SUDS3: variants seen among roughly 807,000 people sequenced by gnomAD.
SUDS3 encodes SIN3A corepressor complex component SDS3, also known as sin3 histone deacetylase corepressor complex component SDS3.
A neutral mutation model predicts 53.5 loss-of-function variants in SUDS3; 23 were observed. That is an observed-to-expected ratio of 0.43 (90% CI 0.31 to 0.61). SUDS3 has a LOEUF of 0.61. Among genes scored for constraint, SUDS3 ranks in the 20% least tolerant of loss-of-function variants. The pLI, the probability that SUDS3 is intolerant of heterozygous loss-of-function variation, is 0.10. For missense variants in SUDS3, 291 were observed against 405.9 expected, an observed-to-expected ratio of 0.72 and a Z score of 2.43; for synonymous variants, 150 against 148.5, an observed-to-expected ratio of 1.01 and a Z score of -0.08.
At chr12:118,381,276 C>T (rs1372050978) in intron 2 of SUDS3, among the ~76,000 whole-genome samples, 7 of 151,926 alleles carry the variant, frequency 4.6e-5, no homozygotes, top group Admixed American at 1.3e-4. Context: ...GCAATCTTGG[C>T]TCACCACAAC....
At chr12:118,388,710 G>A (rs1199062982) in intron 4 of SUDS3, among the ~76,000 whole-genome samples, 1 of 152,208 alleles carries the variant, frequency 6.6e-6, no homozygotes, top group Non-Finnish European at 1.5e-5. Context: ...TGAATAGGAG[G>A]TCAGAGGGCA....
chr12:118,407,510 A>G (rs1246393618), intron 10 of SUDS3, among the ~76,000 whole-genome samples: 4 of 152,144 alleles, frequency 2.6e-5, no homozygotes, highest in Non-Finnish European at 5.9e-5. Context: ...CCCAGAGGTA[A>G]TAGACCAGCT....
At chr12:118,402,174 A>AT in intron 9 of SUDS3, 170 bp downstream of exon 9, 2 of 629,172 alleles carry the variant, frequency 3.2e-6, no homozygotes, top group African/African-American at 3.8e-5. Context: ...CCCCTCCCTG[A>AT]TTTCTTTTTT....
intron 5 of SUDS3, among the ~76,000 whole-genome samples, chr12:118,390,443 G>A (rs1049656170): frequency 8.5e-5 from 13 of 152,184 alleles, no homozygotes; most frequent in Non-Finnish European, 5.9e-5. Context: ...ACTGCTCCCA[G>A]AGTGGCTAGC....
intron 6 of SUDS3, among the ~76,000 whole-genome samples, chr12:118,398,673 C>A (rs2046237728): frequency 7.1e-6 from 1 of 141,680 alleles, no homozygotes; most frequent in Non-Finnish European, 1.5e-5. Context: ...CTCTAAGATC[C>A]TGCACACTGC....
At chr12:118,391,692 G>A (rs980086755) in intron 6 of SUDS3, among the ~76,000 whole-genome samples, 1 of 152,342 alleles carries the variant, frequency 6.6e-6, no homozygotes, top group East Asian at 1.9e-4. Flanking sequence ...CCTCTGTGGT[G>A]ATGGGAATCC....
chr12:118,412,147 G>T (rs186281731), intron 11 of SUDS3, among the ~76,000 whole-genome samples: 1 of 152,334 alleles, frequency 6.6e-6, no homozygotes, highest in East Asian at 1.9e-4. Context: ...AGCTCAGAGG[G>T]TTATACCTGA....
intron 4 of SUDS3, among the ~76,000 whole-genome samples, chr12:118,387,351 C>G (rs2046124341): frequency 6.6e-6 from 1 of 152,132 alleles, no homozygotes; most frequent in African/African-American, 2.4e-5. Flanking sequence ...CACTTTAGAT[C>G]TGATCCTTTA....
chr12:118,382,666 C>CTT lies in SUDS3; in HGVS notation c.213-1330_213-1329dup, dbSNP rs573617276. On this transcript the variant is annotated intron_variant, in intron 2 of 11. Coordinates refer to ENST00000543473, the MANE Select transcript of SUDS3 (RefSeq NM_022491.3). ...ACAAGAATAAGCCAATGTGCCCAGC[C>CTT]TTTTTTTTTTTTTTTTTAAGAGACA... Among the ~76,000 whole-genome samples the CTT allele has an allele frequency of 8.0e-3, 1,088 of 135,744 alleles. 12 individuals carry two copies. The highest frequency in any genetic ancestry group is 0.029 in the African/African-American group (1,038 of 36,356). 89.1% of individuals were successfully genotyped at this position (135,744 alleles called of 152,430 possible).
chr12:118,410,940 C>T, intron 10 of SUDS3, 133 bp from the exon 11 acceptor site: 2 of 759,970 alleles, frequency 2.6e-6, no homozygotes. Flanking sequence ...GAAATCCAGG[C>T]TATTCCTCAA....
intron 6 of SUDS3, among the ~76,000 whole-genome samples, chr12:118,395,726 C>A (rs1261649118): frequency 6.6e-6 from 1 of 151,596 alleles, no homozygotes; most frequent in Non-Finnish European, 1.5e-5. Context: ...TAGTCTAGCT[C>A]TGTCACCCAG....
At chr12:118,386,723 A>G (rs894069036) in intron 4 of SUDS3, among the ~76,000 whole-genome samples, 4 of 152,234 alleles carry the variant, frequency 2.6e-5, no homozygotes, top group East Asian at 1.9e-4. Flanking sequence ...ACTGCGAGCA[A>G]TATAAAGTCA....
chr12:118,417,764 A>G lies in SUDS3; in HGVS notation c.*3331A>G, dbSNP rs2046414543. ...ATTGTATCCATTGACTTGATAAGTG[A>G]TAGAAATTTATTTTAGGTTTTTGAT... On this transcript the variant is annotated 3_prime_UTR_variant, in exon 12 of 12. Transcript: ENST00000543473. 6.6e-6 allele frequency: 1 copy of G among 151,950 alleles called. No individual in the cohort carries two copies. Among genetic ancestry groups the G allele is most frequent in the Non-Finnish European group, 1.5e-5 (1 of 68,006 alleles). 9.4% of individuals were successfully genotyped at this position (151,950 alleles called of 1,614,324 possible).
At chr12:118,392,261 G>C (rs1039685379) in intron 6 of SUDS3, among the ~76,000 whole-genome samples, 1 of 152,166 alleles carries the variant, frequency 6.6e-6, no homozygotes, top group African/African-American at 2.4e-5. Flanking sequence ...TGTTTTTGTG[G>C]ACGTTCTCAG....
In SUDS3 at chr12:118,386,144, A is replaced by G. The variant is rs1263363417; in HGVS notation, c.299A>G (p.Lys100Arg). 3.7e-6 allele frequency: 6 copies of G among 1,602,214 alleles called. No homozygotes were observed. In the South Asian group the frequency reaches 5.7e-5, roughly 15 times the overall value. ...TTACAGGAATATCAGAAGAGAATGA[A>G]AAAACTAGATCAGCAGTACAAAGAG... ...GTLQEYQKRM[K>R]KLDQQYKERI... The change falls in exon 4 of 12, where the codon AAA (lysine) becomes AGA (arginine). Residue 100 changes from lysine to arginine, a missense_variant. This residue lies in a region of SUDS3 where 149 missense variants were observed against 146.5 expected (regional missense o/e 1.02). Coordinates refer to ENST00000543473, the MANE Select transcript of SUDS3 (RefSeq NM_022491.3).
rs959191983 is a variant in SUDS3 at position 118,417,526 on chromosome 12, C to A, written c.*3093C>A. The A allele has an allele frequency of 7.2e-5, 11 of 151,836 alleles. No individual in the cohort carries two copies. The highest frequency in any genetic ancestry group is 2.2e-4 in the African/African-American group (9 of 41,330). The allele number at this position is 151,836 out of a possible 1,614,324, so 9.4% of individuals were successfully genotyped here. A position where few individuals can be genotyped will look rare whatever the true frequency, so the allele number is the denominator to read the frequency against. ...TTTGAAATCTCGGTGCTTACTGTTACACCAATTTGTCCAAAGAGTTGAAAT... is the reference window on the plus strand; with the variant it reads ...TTTGAAATCTCGGTGCTTACTGTTAAACCAATTTGTCCAAAGAGTTGAAAT... On this transcript the variant is annotated 3_prime_UTR_variant, in exon 12 of 12. Transcript: ENST00000543473.
At chr12:118,414,140 G>A (rs189458749) in intron 11 of SUDS3, among the ~76,000 whole-genome samples, 195 bp from the exon 12 acceptor site, 9 of 152,314 alleles carry the variant, frequency 5.9e-5, no homozygotes, top group South Asian at 2.1e-4. Flanking sequence ...GCTGATGCCT[G>A]TTCCCAGCGG....
In SUDS3 at chr12:118,376,573, G is replaced by A. The variant is rs891366435; in HGVS notation, c.-119G>A. The A allele has an allele frequency of 6.6e-6, 8 of 1,212,698 alleles. No individual in the cohort carries two copies. Among genetic ancestry groups the A allele is most frequent in the Non-Finnish European group, 7.3e-6 (7 of 963,256 alleles). 75.1% of individuals were successfully genotyped at this position (1,212,698 alleles called of 1,614,324 possible). Reference sequence around the variant, plus strand: ...GCTCGGCGGAGACGGGGAAGGGGTCGCCGTGGCTGCCGGTCCTCGAGTTGG... The same window carrying A: ...GCTCGGCGGAGACGGGGAAGGGGTCACCGTGGCTGCCGGTCCTCGAGTTGG... On this transcript the variant is annotated 5_prime_UTR_variant, in exon 1 of 12. Transcript: ENST00000543473.
intron 9 of SUDS3, 80 bp downstream of exon 9, chr12:118,402,084 G>A: frequency 1.3e-6 from 2 of 1,537,416 alleles, no homozygotes; most frequent in Non-Finnish European, 1.8e-6. Flanking sequence ...GTCAGGAAAT[G>A]GTTGCAATTT....
Sources: gnomAD v4.1 joint callset for allele counts (sites outside exome capture counted in the v4.1 genomes callset) on GRCh38, gnomAD v4.1.1 for gene constraint, gnomAD v4.1.1 regional missense constraint, MANE v1.5 for transcripts, NCBI Gene and HGNC (gene_info 2026-07-23, HGNC 2026-07-21) for gene names.